The following DNM3 variants were observed in gnomAD, a reference collection of about 807,000 sequenced individuals.
DNM3 encodes the protein dynamin-3.
A neutral mutation model predicts 101.6 loss-of-function variants in DNM3; 47 were observed. The ratio of observed to expected loss-of-function variants is 0.46; its 90% CI spans 0.37 to 0.59. The LOEUF (loss-of-function observed/expected upper bound fraction) is 0.59, where lower values mean the gene tolerates loss of function less well. Among genes scored for constraint, DNM3 ranks in the 20% least tolerant of loss-of-function variants. The probability of loss-of-function intolerance (pLI) is 0.00; values close to 1 mark genes in which losing one functional copy is unlikely to be tolerated. For missense variants in DNM3, 849 were observed against 1,085.7 expected (o/e 0.78, Z 3.06); for synonymous variants, 385 against 387.9 (o/e 0.99, Z 0.09).
At chr1:172,225,759 A>G (rs1055893192) in intron 14 of DNM3, among the ~76,000 whole-genome samples, 1 of 152,032 alleles carries the variant, frequency 6.6e-6, no homozygotes, top group Non-Finnish European at 1.5e-5. Flanking sequence ...CCCAAAAAAT[A>G]AATATAAAAA....
intron 15 of DNM3, among the ~76,000 whole-genome samples, chr1:172,273,820 G>C (rs2063174012): frequency 6.6e-6 from 1 of 152,008 alleles, no homozygotes; most frequent in Non-Finnish European, 1.5e-5. Context: ...AAAGGATCTT[G>C]GGGACTCCTG....
At chr1:172,008,831 T>G (rs1282218931) in intron 4 of DNM3, among the ~76,000 whole-genome samples, 1 of 138,504 alleles carries the variant, frequency 7.2e-6, no homozygotes, top group African/African-American at 2.7e-5. Context: ...ATGTATTATA[T>G]AATATATATT....
chr1:172,297,198 C>T (rs919256622), intron 15 of DNM3, among the ~76,000 whole-genome samples: 7 of 149,962 alleles, frequency 4.7e-5, no homozygotes, highest in Admixed American at 4.0e-4. Context: ...TTGTTAAATA[C>T]TAACACTTGG....
intron 4 of DNM3, among the ~76,000 whole-genome samples, chr1:171,996,690 C>A (rs1343171839): frequency 6.6e-6 from 1 of 151,826 alleles, no homozygotes; most frequent in Non-Finnish European, 1.5e-5. Flanking sequence ...TTATCATAAC[C>A]CTTACCTCAA....
intron 1 of DNM3, among the ~76,000 whole-genome samples, chr1:171,907,284 G>C (rs1430251109): frequency 2.0e-5 from 3 of 152,190 alleles, no homozygotes; most frequent in Non-Finnish European, 4.4e-5. Flanking sequence ...CTGAGGTTGG[G>C]AGTTCAAGAT....
intron 14 of DNM3, among the ~76,000 whole-genome samples, chr1:172,173,379 T>C (rs532705971): frequency 6.6e-6 from 1 of 151,792 alleles, no homozygotes; most frequent in East Asian, 1.9e-4. Context: ...GGGGTGGGGA[T>C]GTTAAATGTA....
At chr1:171,921,132 G>C (rs952130724) in intron 1 of DNM3, among the ~76,000 whole-genome samples, 2 of 143,748 alleles carry the variant, frequency 1.4e-5, no homozygotes, top group Non-Finnish European at 3.0e-5. Context: ...TTTTTTTGTA[G>C]CGCTGGGTTT....
At chr1:172,319,168 G>A (rs1486852888) in intron 16 of DNM3, among the ~76,000 whole-genome samples, 1 of 152,162 alleles carries the variant, frequency 6.6e-6, no homozygotes, top group East Asian at 1.9e-4. Context: ...ATGGTGCTGG[G>A]AAAACTGGCT....
chr1:172,352,843 C>T (rs1050519754), intron 17 of DNM3, among the ~76,000 whole-genome samples: 2 of 152,102 alleles, frequency 1.3e-5, no homozygotes, highest in Non-Finnish European at 2.9e-5. Context: ...CCTGAGTGAT[C>T]CAGATCCTTT....
intron 4 of DNM3, among the ~76,000 whole-genome samples, chr1:172,025,823 G>A (rs191588812): frequency 6.6e-6 from 1 of 152,244 alleles, no homozygotes; most frequent in African/African-American, 2.4e-5. Context: ...AAAGACCAAA[G>A]GTAGATAAAT....
chr1:172,408,101 G>T lies in DNM3; in HGVS notation c.*260G>T. 2 of 1,248,694 alleles carry T rather than the reference G, an allele frequency of 1.6e-6. No individual in the cohort carries two copies. The highest frequency in any genetic ancestry group is 2.0e-6 in the Non-Finnish European group (2 of 991,266). 77.4% of individuals were successfully genotyped at this position (1,248,694 alleles called of 1,614,324 possible). On this transcript the variant is annotated 3_prime_UTR_variant, in exon 21 of 21. Coordinates refer to ENST00000627582, the MANE Select transcript of DNM3 (RefSeq NM_015569.5). The stretch of plus-strand genomic sequence containing the variant: ...GGTTTGTATAGCAGCCCTATACTTT[G>T]GGGATCATTTGCCTACCATGGCATA...
rs549949842 is a variant in DNM3 at position 172,073,411 on chromosome 1, C to A, written c.1422+4506C>A. Among the ~76,000 whole-genome samples the A allele has an allele frequency of 3.3e-5, 5 of 151,946 alleles. No homozygotes were observed. In the South Asian group the frequency reaches 1.0e-3, roughly 32 times the overall value. On this transcript the variant is annotated intron_variant, in intron 11 of 20. Transcript: ENST00000627582. Reference sequence around the variant, plus strand: ...CATATAGGTATATATGTGTATATAGCACCCTATATTTTATAGAATACATAA... The same window carrying A: ...CATATAGGTATATATGTGTATATAGAACCCTATATTTTATAGAATACATAA...
At chr1:172,009,486 AAATT>A (rs1465131812) in intron 4 of DNM3, among the ~76,000 whole-genome samples, 2 of 151,556 alleles carry the variant, frequency 1.3e-5, no homozygotes, top group Non-Finnish European at 3.0e-5. Flanking sequence ...ATTAAGGTTT[AAATT>A]AATTAAATTA....
At chr1:172,154,305 C>A (rs2058255853) in intron 14 of DNM3, among the ~76,000 whole-genome samples, 2 of 151,552 alleles carry the variant, frequency 1.3e-5, no homozygotes, top group South Asian at 4.2e-4. Flanking sequence ...ATTATATAAT[C>A]TTTATTTACC....
chr1:171,931,730 C>T (rs1465348238), intron 2 of DNM3, among the ~76,000 whole-genome samples: 1 of 152,144 alleles, frequency 6.6e-6, no homozygotes, highest in Non-Finnish European at 1.5e-5. Flanking sequence ...ACCAATTCCA[C>T]AGTGTTTTAC....
intron 10 of DNM3, among the ~76,000 whole-genome samples, chr1:172,061,685 C>T (rs1418938986): frequency 8.4e-6 from 1 of 119,738 alleles, no homozygotes; most frequent in African/African-American, 3.3e-5. Flanking sequence ...ACATCACACC[C>T]TGGGGACTGT....
chr1:171,931,904 G>T (rs1211061163), intron 2 of DNM3, among the ~76,000 whole-genome samples: 1 of 152,052 alleles, frequency 6.6e-6, no homozygotes, highest in Non-Finnish European at 1.5e-5. Context: ...TAAACCAGTA[G>T]ATTTACTAGG....
At chr1:172,060,173 A>C (rs1213476273) in intron 10 of DNM3, among the ~76,000 whole-genome samples, 2 of 140,472 alleles carry the variant, frequency 1.4e-5, no homozygotes, top group South Asian at 4.6e-4. Flanking sequence ...AGAACTACAA[A>C]CCACTGCTCA....
chr1:172,197,834 A>G (rs996115480), intron 14 of DNM3, among the ~76,000 whole-genome samples: 4 of 152,058 alleles, frequency 2.6e-5, no homozygotes, highest in African/African-American at 9.7e-5. Flanking sequence ...TTTTCTAGAT[A>G]TAGAATAATG....
Sources: gnomAD v4.1 joint callset for allele counts (sites outside exome capture counted in the v4.1 genomes callset) on GRCh38, gnomAD v4.1.1 for gene constraint, MANE v1.5 for transcripts, NCBI Gene and HGNC (gene_info 2026-07-23, HGNC 2026-07-21) for gene names.